Variants in TRIM33 observed in about 807,000 individuals in gnomAD.
TRIM33 encodes tripartite motif containing 33, also known as E3 ubiquitin-protein ligase TRIM33.
TRIM33 carries 20 observed loss-of-function variants against 125.4 expected under a neutral mutation model. The ratio of observed to expected loss-of-function variants is 0.16; its 90% CI spans 0.11 to 0.23. The LOEUF (loss-of-function observed/expected upper bound fraction) is 0.23, where lower values mean the gene tolerates loss of function less well. Ranked by LOEUF, TRIM33 falls within the 10% of genes least tolerant of loss-of-function variation. The pLI is 1.00. For synonymous variants in TRIM33, 564 were observed against 513.9 expected (o/e 1.10, Z -1.32); for missense variants, 920 against 1,411.4 (o/e 0.65, Z 5.58).
intron 1 of TRIM33, among the ~76,000 whole-genome samples, chr1:114,496,830 T>C (rs1652395822): frequency 6.6e-6 from 1 of 152,256 alleles, no homozygotes; most frequent in African/African-American, 2.4e-5. Flanking sequence ...TCTGCTGTGA[T>C]CAGATATTCC....
chr1:114,449,580 C>T (rs1048631677), intron 4 of TRIM33, among the ~76,000 whole-genome samples: 1 of 152,150 alleles, frequency 6.6e-6, no homozygotes, highest in African/African-American at 2.4e-5. Flanking sequence ...TCTTGTAAAA[C>T]TGTCAATGGA....
At chr1:114,461,226 A>C (rs1649967133) in intron 4 of TRIM33, among the ~76,000 whole-genome samples, 1 of 144,814 alleles carries the variant, frequency 6.9e-6, no homozygotes, top group South Asian at 2.1e-4. Context: ...ATATATATAT[A>C]TATATATATA....
In TRIM33 at chr1:114,436,489, G is replaced by A. The variant is rs1367960382; in HGVS notation, c.924-2756C>T. On this transcript the variant is annotated intron_variant, in intron 4 of 19. Coordinates refer to ENST00000358465, the MANE Select transcript of TRIM33 (RefSeq NM_015906.4). Reference sequence around the variant, plus strand: ...GAGTTTTTTTGTTTGTTTTTGAGACGGAGTCTCGCTCTGTCGTCCAGGCTG... The same window carrying A: ...GAGTTTTTTTGTTTGTTTTTGAGACAGAGTCTCGCTCTGTCGTCCAGGCTG... Among the ~76,000 whole-genome samples, 6 of 151,508 alleles carry A rather than the reference G, an allele frequency of 4.0e-5. No individual in the cohort carries two copies. In the East Asian group the frequency reaches 5.8e-4, roughly 15 times the overall value.
At chr1:114,400,275 A>C (rs1266413149) in intron 17 of TRIM33, among the ~76,000 whole-genome samples, 2 of 152,144 alleles carry the variant, frequency 1.3e-5, no homozygotes, top group African/African-American at 2.4e-5. Context: ...AGTGGCGCCA[A>C]CTGTGGCTCA....
chr1:114,417,222 A>G (rs1288523886), intron 11 of TRIM33, among the ~76,000 whole-genome samples: 2 of 152,196 alleles, frequency 1.3e-5, no homozygotes, highest in East Asian at 3.8e-4. Context: ...AGTGACTGCT[A>G]ATGAGTACCA....
chr1:114,489,897 C>G (rs937912831), intron 1 of TRIM33, among the ~76,000 whole-genome samples: 1 of 151,298 alleles, frequency 6.6e-6, no homozygotes, highest in African/African-American at 2.4e-5. Context: ...CAAATAATCC[C>G]AGACAGAAAG....
In TRIM33 at chr1:114,511,193, G is replaced by A. The variant is rs550169115; in HGVS notation, c.-117C>T. On this transcript the variant is annotated 5_prime_UTR_variant, in exon 1 of 20. Transcript: ENST00000358465. ...AAGAGCGGCAGCCGAGAGCTAGCGA[G>A]AGAGCGAACCAACGAGAGCGCGCGC... The A allele has an allele frequency of 9.6e-5, 93 of 973,116 alleles. 2 individuals carry two copies. The South Asian group carries it at 3.6e-3, about 37-fold the overall frequency. 60.3% of individuals were successfully genotyped at this position (973,116 alleles called of 1,614,324 possible).
chr1:114,414,987 C>CTT (rs1232374980), intron 11 of TRIM33, among the ~76,000 whole-genome samples: 1 of 108,206 alleles, frequency 9.2e-6, no homozygotes, highest in African/African-American at 3.8e-5. Context: ...GAGGTAGATT[C>CTT]TATTTTTTTT....
intron 4 of TRIM33, among the ~76,000 whole-genome samples, chr1:114,454,320 G>T (rs1434706623): frequency 1.3e-5 from 2 of 152,072 alleles, no homozygotes; most frequent in African/African-American, 4.8e-5. Context: ...AATTACCAAT[G>T]GAATTTAGAA....
chr1:114,454,205 G>A lies in TRIM33; in HGVS notation c.923+8899C>T, dbSNP rs533491577. Among the ~76,000 whole-genome samples the A allele has an allele frequency of 2.3e-4, 35 of 152,238 alleles. 1 individual carries two copies. The highest frequency in any genetic ancestry group is 2.1e-3 in the South Asian group (10 of 4,820). ...TGGCTTACTAAAACAGGTGGTTTGC[G>A]AAGAGGGAGGATGAGAAGGTGGGAA... On this transcript the variant is annotated intron_variant, in intron 4 of 19. Coordinates refer to ENST00000358465, the MANE Select transcript of TRIM33 (RefSeq NM_015906.4).
chr1:114,486,726 A>T (rs916685052), intron 1 of TRIM33, among the ~76,000 whole-genome samples: 1 of 152,098 alleles, frequency 6.6e-6, no homozygotes. Context: ...ATAAAAAACT[A>T]GCTAGCTAGC....
At chr1:114,427,330 TA>T in intron 7 of TRIM33, 36 bp from the exon 8 acceptor site, 1 of 1,066,238 alleles carries the variant, frequency 9.4e-7, no homozygotes, top group South Asian at 1.5e-5. Context: ...GTCTCAAAAT[TA>T]AATATCAATT....
chr1:114,461,296 A>ATTTTG (rs376742841), intron 4 of TRIM33, among the ~76,000 whole-genome samples: 1 of 141,832 alleles, frequency 7.1e-6, no homozygotes, highest in Non-Finnish European at 1.5e-5. Flanking sequence ...ATATATTTAT[A>ATTTTG]TATTATATTT....
At chr1:114,500,644 C>T (rs187103406) in intron 1 of TRIM33, among the ~76,000 whole-genome samples, 111 of 148,478 alleles carry the variant, frequency 7.5e-4, no homozygotes, top group African/African-American at 2.4e-3. Context: ...CAAGATCAGT[C>T]GAGATAATCT....
chr1:114,469,950 CAT>C (rs1650538413), intron 1 of TRIM33, among the ~76,000 whole-genome samples: 1 of 152,056 alleles, frequency 6.6e-6, no homozygotes, highest in African/African-American at 2.4e-5. Flanking sequence ...CATAGAGTAA[CAT>C]ATATTTAGAT....
intron 18 of TRIM33, 145 bp from the exon 19 acceptor site, chr1:114,398,135 T>C (rs1651657185): frequency 1.3e-6 from 1 of 769,094 alleles, no homozygotes; most frequent in Non-Finnish European, 2.1e-6. Context: ...TTTCTAAAAT[T>C]CTACAGAACA....
At chr1:114,504,807 A>AG (rs1313941317) in intron 1 of TRIM33, among the ~76,000 whole-genome samples, 1 of 152,240 alleles carries the variant, frequency 6.6e-6, no homozygotes, top group Admixed American at 6.5e-5. Flanking sequence ...AGTTTTTACA[A>AG]GATCTAGGTA....
chr1:114,489,871 A>C (rs537509540), intron 1 of TRIM33, among the ~76,000 whole-genome samples: 1 of 152,160 alleles, frequency 6.6e-6, no homozygotes, highest in Non-Finnish European at 1.5e-5. Flanking sequence ...TCCACACACA[A>C]AAAACTTTTG....
At chr1:114,402,655 T>C (rs1651970274) in intron 16 of TRIM33, 105 bp downstream of exon 16, 2 of 1,312,464 alleles carry the variant, frequency 1.5e-6, no homozygotes, top group African/African-American at 3.0e-5. Flanking sequence ...GATTAAAAAT[T>C]AAATGTTATC....
Sources: allele counts gnomAD v4.1 joint callset (sites outside exome capture counted in the v4.1 genomes callset), GRCh38; gene constraint gnomAD v4.1.1; transcripts MANE v1.5; gene names NCBI Gene and HGNC (gene_info 2026-07-23, HGNC 2026-07-21).